Variants in CLDN18 observed in about 807,000 individuals in gnomAD.
The protein encoded by CLDN18 is claudin-18.
In CLDN18, 20 loss-of-function variants were observed where a neutral mutation model predicts 25.0. That is an observed-to-expected ratio of 0.80 (90% CI 0.56 to 1.16). The LOEUF (loss-of-function observed/expected upper bound fraction) is 1.16, where lower values mean the gene tolerates loss of function less well. Among genes scored for constraint, CLDN18 ranks in the 50% most tolerant of loss-of-function variants. The probability of loss-of-function intolerance (pLI) is 0.00; values close to 1 mark genes in which losing one functional copy is unlikely to be tolerated. For missense variants in CLDN18, 297 were observed against 345.4 expected, an observed-to-expected ratio of 0.86 and a Z score of 1.11; for synonymous variants, 125 against 135.6, an observed-to-expected ratio of 0.92 and a Z score of 0.54.
chr3:138,007,477 A>G (rs538479712), upstream of CLDN18, among the ~76,000 whole-genome samples: 6 of 144,782 alleles, frequency 4.1e-5, no homozygotes, highest in Admixed American at 7.1e-5. Context: ...CTCACTCATA[A>G]GTGGGAGCTG....
intron 1 of CLDN18, among the ~76,000 whole-genome samples, chr3:138,013,676 G>C (rs190632431): frequency 2.6e-5 from 4 of 152,348 alleles, no homozygotes; most frequent in Admixed American, 1.3e-4. Flanking sequence ...CATTTGAGTA[G>C]TAACTTCCTG....
intron 1 of CLDN18, among the ~76,000 whole-genome samples, chr3:138,012,045 G>A (rs1272361550): frequency 6.6e-6 from 1 of 152,160 alleles, no homozygotes; most frequent in Non-Finnish European, 1.5e-5. Flanking sequence ...ACCTGTCTGG[G>A]ATCATGCCCT....
At chr3:138,014,614 T>A (rs1294964157) in intron 1 of CLDN18, among the ~76,000 whole-genome samples, 1 of 152,092 alleles carries the variant, frequency 6.6e-6, no homozygotes, top group Admixed American at 6.6e-5. Context: ...TATACCCCAG[T>A]TCTGCCTATC....
chr3:137,999,134 G>A (rs1362401544), intron 1 of CLDN18: 1 of 1,547,458 alleles, frequency 6.5e-7, no homozygotes, highest in Non-Finnish European at 8.9e-7. Context: ...ATTGGAGGTG[G>A]AGAGGAAACT....
At chr3:138,009,902 C>A (rs936925423), upstream of CLDN18, 4 of 330,144 alleles carry the variant, frequency 1.2e-5, no homozygotes, top group Non-Finnish European at 2.3e-5. Context: ...CGGCGCTCTC[C>A]GGAGGAGCCG....
chr3:138,001,236 T>A (rs1039674836), intron 1 of CLDN18, among the ~76,000 whole-genome samples: 1 of 152,156 alleles, frequency 6.6e-6, no homozygotes, highest in Non-Finnish European at 1.5e-5. Flanking sequence ...AAAGCAGAAA[T>A]CTCTCCTGAC....
Position 138,031,010 on chromosome 3 carries a change from G to C in CLDN18, c.655G>C (p.Ala219Pro). 6.2e-7 allele frequency: 1 copy of C among 1,614,098 alleles called. No individual in the cohort carries two copies. Among genetic ancestry groups the C allele is most frequent in the Non-Finnish European group, 8.5e-7 (1 of 1,179,998 alleles). Residue 219 changes from alanine (A) to proline (P), a missense_variant, in exon 5 of 5, where the codon GCC becomes CCC. Coordinates refer to ENST00000183605, the MANE Select transcript of CLDN18 (RefSeq NM_016369.4). ...VSYHASGHSV[A>P]YKPGGFKAST... Reference sequence around the variant, plus strand: ...TTATCATGCCTCAGGCCACAGTGTTGCCTACAAGCCTGGAGGCTTCAAGGC... The same window carrying C: ...TTATCATGCCTCAGGCCACAGTGTTCCCTACAAGCCTGGAGGCTTCAAGGC...
At chr3:138,014,638 G>A (rs1280354591) in intron 1 of CLDN18, among the ~76,000 whole-genome samples, 1 of 152,130 alleles carries the variant, frequency 6.6e-6, no homozygotes, top group Non-Finnish European at 1.5e-5. Context: ...GTTGAGGGAA[G>A]AGGATTTCAC....
intron 1 of CLDN18, among the ~76,000 whole-genome samples, chr3:138,019,882 C>T (rs563803447): frequency 6.6e-6 from 1 of 152,190 alleles, no homozygotes; most frequent in Non-Finnish European, 1.5e-5. Context: ...TCCTGCCCAC[C>T]CTTCAGGTCT....
At chr3:138,030,002 A>G (rs1942368512) in intron 4 of CLDN18, 95 bp downstream of exon 4, 1 of 751,104 alleles carries the variant, frequency 1.3e-6, no homozygotes, top group African/African-American at 1.8e-5. Flanking sequence ...CAGTCTAGGT[A>G]TATGGATGAA....
Sources: gnomAD v4.1 joint callset for allele counts (sites outside exome capture counted in the v4.1 genomes callset) on GRCh38, gnomAD v4.1.1 for gene constraint, MANE v1.5 for transcripts, NCBI Gene and HGNC (gene_info 2026-07-23, HGNC 2026-07-21) for gene names.